RSRC1: variants seen among roughly 807,000 people sequenced by gnomAD.
The protein encoded by RSRC1 is serine/Arginine-related protein 53.
RSRC1 carries 39 observed loss-of-function variants against 49.1 expected under a neutral mutation model. The observed-to-expected ratio is 0.79, with a 90% CI of 0.61 to 1.04. RSRC1 has a LOEUF of 1.04. Ranked by LOEUF, RSRC1 falls within the 50% of genes least tolerant of loss-of-function variation. RSRC1 has a pLI of 0.00. For synonymous variants in RSRC1, 143 were observed against 130.8 expected (o/e 1.09, Z -0.63); for missense variants, 388 against 402.4 (o/e 0.96, Z 0.31).
chr3:158,439,585 G>A (rs1197500655), intron 6 of RSRC1, among the ~76,000 whole-genome samples: 1 of 152,034 alleles, frequency 6.6e-6, no homozygotes, highest in African/African-American at 2.4e-5. Flanking sequence ...AACACCTGAT[G>A]TTCTCACTTA....
intron 7 of RSRC1, among the ~76,000 whole-genome samples, chr3:158,479,541 A>G (rs1738525912): frequency 6.6e-6 from 1 of 151,988 alleles, no homozygotes; most frequent in South Asian, 2.1e-4. Context: ...AGCACCACCC[A>G]ATTTTGGTTT....
At chr3:158,520,124 C>G (rs1409441512) in intron 7 of RSRC1, among the ~76,000 whole-genome samples, 1 of 152,160 alleles carries the variant, frequency 6.6e-6, no homozygotes, top group Non-Finnish European at 1.5e-5. Context: ...TTTTTAAATA[C>G]TCTCTAGAAA....
rs538303993 is a variant in RSRC1 at position 158,315,932 on chromosome 3, G to T, written c.531+17857G>T. ...CACGCCTGCAATCCCAGTGCTTTGG[G>T]AGGCTGAGGTGGGTGGATCTCTTGA... On this transcript the variant is annotated intron_variant, in intron 5 of 9. Transcript: ENST00000611884. Among the ~76,000 whole-genome samples, 3 of 152,268 alleles carry T rather than the reference G, an allele frequency of 2.0e-5. No homozygotes were observed. The East Asian group carries it at 5.8e-4, about 29-fold the overall frequency.
intron 6 of RSRC1, among the ~76,000 whole-genome samples, chr3:158,446,557 C>T (rs1456013087): frequency 6.6e-6 from 1 of 151,628 alleles, no homozygotes; most frequent in Non-Finnish European, 1.5e-5. Context: ...TTTGAAATTT[C>T]TTATATATTG....
At chr3:158,240,023 G>A (rs945903180) in intron 4 of RSRC1, among the ~76,000 whole-genome samples, 1 of 152,060 alleles carries the variant, frequency 6.6e-6, no homozygotes, top group African/African-American at 2.4e-5. Context: ...TGTTTGGTGG[G>A]AACTGATTCC....
intron 3 of RSRC1, among the ~76,000 whole-genome samples, chr3:158,145,772 T>C (rs1578132047): frequency 2.0e-5 from 3 of 152,346 alleles, no homozygotes; most frequent in Non-Finnish European, 4.4e-5. Context: ...GAACATGGAA[T>C]GTTCTTCCAT....
intron 5 of RSRC1, among the ~76,000 whole-genome samples, chr3:158,324,972 C>A (rs1439152298): frequency 1.3e-5 from 2 of 152,202 alleles, no homozygotes; most frequent in African/African-American, 4.8e-5. Flanking sequence ...TTGCATTTCT[C>A]TGATGGCCAG....
chr3:158,201,452 C>T (rs547014001), intron 3 of RSRC1, among the ~76,000 whole-genome samples: 1 of 152,100 alleles, frequency 6.6e-6, no homozygotes, highest in Non-Finnish European at 1.5e-5. Flanking sequence ...TTTTCTGCTT[C>T]ATCCTCTGTT....
chr3:158,486,023 G>T (rs1001721633), intron 7 of RSRC1, among the ~76,000 whole-genome samples: 2 of 152,134 alleles, frequency 1.3e-5, no homozygotes, highest in Non-Finnish European at 2.9e-5. Context: ...GTGCTTGCTT[G>T]ACTATTTAAC....
At position 158,174,177 on chromosome 3, in the gene RSRC1, C is replaced by T. The variant is rs117186454; in HGVS notation, c.321-28895C>T. On this transcript the variant is annotated intron_variant, in intron 3 of 9. Coordinates refer to ENST00000611884, the MANE Select transcript of RSRC1 (RefSeq NM_001271838.2). ...TTTCTCTCAACGTTGGGGTTGTAGC[C>T]ACTCGAAGCCCTGCCTTAATGCTTG... 3.3e-5 allele frequency among the ~76,000 whole-genome samples: 5 copies of T among 151,614 alleles called. 1 individual carries two copies. The East Asian group carries it at 9.7e-4, about 29-fold the overall frequency.
chr3:158,507,174 T>TGTGG (rs1434157021), intron 7 of RSRC1, among the ~76,000 whole-genome samples: 166 of 152,112 alleles, frequency 1.1e-3, no homozygotes, highest in African/African-American at 3.9e-3. Flanking sequence ...GTCAATCACA[T>TGTGG]GTGGGAGCTA....
chr3:158,161,293 A>G lies in RSRC1; in HGVS notation c.320+37302A>G, dbSNP rs567479000. On this transcript the variant is annotated intron_variant, in intron 3 of 9. Coordinates refer to ENST00000611884, the MANE Select transcript of RSRC1 (RefSeq NM_001271838.2). ...GATCAGCTCTGTTCCTGTCTCTTTC[A>G]TCCTCCTTGGATCAGCCCCTACTCA... Among the ~76,000 whole-genome samples, 5 of 152,204 alleles carry G rather than the reference A, an allele frequency of 3.3e-5. No individual in the cohort carries two copies. In the South Asian group the frequency reaches 8.3e-4, roughly 25 times the overall value.
chr3:158,363,023 A>T lies in RSRC1; in HGVS notation c.583+8115A>T, dbSNP rs147454155. Reference sequence around the variant, plus strand: ...ACATATGTGGTAAAACAACTTATAAAATCTCTGCATAACAGTATTTCATTT... The same window carrying T: ...ACATATGTGGTAAAACAACTTATAATATCTCTGCATAACAGTATTTCATTT... On this transcript the variant is annotated intron_variant, in intron 6 of 9. Transcript: ENST00000611884. Among the ~76,000 whole-genome samples the T allele has an allele frequency of 2.6e-4, 40 of 152,318 alleles. No individual in the cohort carries two copies. In the East Asian group the frequency reaches 7.7e-3, roughly 29 times the overall value.
chr3:158,488,208 G>A (rs1738910398), intron 7 of RSRC1, among the ~76,000 whole-genome samples: 1 of 151,944 alleles, frequency 6.6e-6, no homozygotes, highest in Non-Finnish European at 1.5e-5. Flanking sequence ...ATATGTGCAA[G>A]GGTGATATGT....
At chr3:158,380,723 A>T (rs935721973) in intron 6 of RSRC1, among the ~76,000 whole-genome samples, 6 of 152,100 alleles carry the variant, frequency 3.9e-5, no homozygotes, top group East Asian at 1.9e-4. Context: ...CTGATGACTT[A>T]AAAAAAATTA....
chr3:158,489,300 T>C (rs1738965573), intron 7 of RSRC1, among the ~76,000 whole-genome samples: 1 of 152,222 alleles, frequency 6.6e-6, no homozygotes, highest in Admixed American at 6.5e-5. Context: ...CTTTATACTT[T>C]CATAAATAAC....
At chr3:158,377,318 C>T (rs115058028) in intron 6 of RSRC1, among the ~76,000 whole-genome samples, 23 of 152,238 alleles carry the variant, frequency 1.5e-4, no homozygotes, top group African/African-American at 5.5e-4. Flanking sequence ...GGATGTGTGT[C>T]CCCTCCAAAT....
At chr3:158,232,050 A>G (rs1210021054) in intron 4 of RSRC1, among the ~76,000 whole-genome samples, 1 of 152,058 alleles carries the variant, frequency 6.6e-6, no homozygotes, top group African/African-American at 2.4e-5. Context: ...TTTCTGTTTT[A>G]ATGTTTTGAA....
At position 158,310,524 on chromosome 3, in the gene RSRC1, G is replaced by C. The variant is rs1728069840; in HGVS notation, c.531+12449G>C. On this transcript the variant is annotated intron_variant, in intron 5 of 9. Transcript: ENST00000611884. Reference sequence around the variant, plus strand: ...TACAAATCTTGATTACATAGCTTTTGTGTGTTACCTTTAAGGGAGTTGTAA... The same window carrying C: ...TACAAATCTTGATTACATAGCTTTTCTGTGTTACCTTTAAGGGAGTTGTAA... 2.0e-5 allele frequency among the ~76,000 whole-genome samples: 3 copies of C among 151,714 alleles called. No individual in the cohort carries two copies. The South Asian group carries it at 6.2e-4, about 31-fold the overall frequency.
Sources: gnomAD v4.1 joint callset for allele counts (sites outside exome capture counted in the v4.1 genomes callset) on GRCh38, gnomAD v4.1.1 for gene constraint, MANE v1.5 for transcripts, NCBI Gene and HGNC (gene_info 2026-07-23, HGNC 2026-07-21) for gene names.